Variants in SNX29 observed in about 807,000 individuals in gnomAD.
SNX29 encodes the protein sorting nexin-29.
In SNX29, 78 loss-of-function variants were observed where a neutral mutation model predicts 102.1. The observed-to-expected ratio is 0.76, with a 90% CI of 0.64 to 0.92. The LOEUF (loss-of-function observed/expected upper bound fraction) is 0.92, where lower values mean the gene tolerates loss of function less well. SNX29 is among the 40% of genes least tolerant of loss of function. The pLI, the probability that SNX29 is intolerant of heterozygous loss-of-function variation, is 0.00. For missense variants in SNX29, 1,280 were observed against 1,061.7 expected (o/e 1.21, Z -2.86); for synonymous variants, 580 against 414.5 (o/e 1.40, Z -4.85).
At chr16:12,214,023 G>A (rs10500378) in intron 14 of SNX29, among the ~76,000 whole-genome samples, 1 of 152,060 alleles carries the variant, frequency 6.6e-6, no homozygotes, top group Non-Finnish European at 1.5e-5. Flanking sequence ...GTCATCAAAT[G>A]TTGGGTCATA....
chr16:12,152,838 G>A (rs73519857), intron 13 of SNX29, among the ~76,000 whole-genome samples: 1 of 152,044 alleles, frequency 6.6e-6, no homozygotes, highest in South Asian at 2.1e-4. Context: ...TAAGTTAATC[G>A]TCGTGGTTGC....
At chr16:12,548,633 C>A (rs978122763) in intron 20 of SNX29, among the ~76,000 whole-genome samples, 16 of 152,218 alleles carry the variant, frequency 1.1e-4, no homozygotes, top group African/African-American at 3.9e-4. Flanking sequence ...AGAAGAGGCT[C>A]TTCAGGGGCC....
intron 8 of SNX29, among the ~76,000 whole-genome samples, chr16:12,054,198 T>G (rs350219): frequency 6.6e-6 from 1 of 152,224 alleles, no homozygotes. Context: ...AAACTCCTGA[T>G]CTCGTGATCT....
At chr16:12,441,994 G>T (rs2085829145) in intron 18 of SNX29, among the ~76,000 whole-genome samples, 1 of 152,044 alleles carries the variant, frequency 6.6e-6, no homozygotes, top group Non-Finnish European at 1.5e-5. Context: ...TGGCCAGGCT[G>T]GTCTTGAACT....
At chr16:11,990,251 G>A (rs997739194) in intron 1 of SNX29, among the ~76,000 whole-genome samples, 1 of 152,176 alleles carries the variant, frequency 6.6e-6, no homozygotes, top group African/African-American at 2.4e-5. Flanking sequence ...CCAACTAACT[G>A]ACATAAAAAA....
chr16:12,223,284 G>A (rs1048136934), intron 14 of SNX29, among the ~76,000 whole-genome samples: 1 of 152,190 alleles, frequency 6.6e-6, no homozygotes, highest in Non-Finnish European at 1.5e-5. Context: ...CCAGAACTTT[G>A]GGAGGCCGAG....
intron 14 of SNX29, among the ~76,000 whole-genome samples, chr16:12,239,676 C>T (rs182414029): frequency 8.8e-5 from 12 of 136,924 alleles, no homozygotes; most frequent in East Asian, 2.2e-4. Context: ...AAAATTAGTC[C>T]GGTGTGGTGA....
chr16:12,243,713 G>C lies in SNX29; in HGVS notation c.1679-34220G>C, dbSNP rs567964363. Among the ~76,000 whole-genome samples the C allele has an allele frequency of 3.3e-5, 5 of 152,230 alleles. No individual in the cohort carries two copies. The South Asian group carries it at 1.0e-3, about 32-fold the overall frequency. On this transcript the variant is annotated intron_variant, in intron 14 of 20. Coordinates refer to ENST00000566228, the MANE Select transcript of SNX29 (RefSeq NM_032167.5). ...TCCATTTAGAAGACATCAGAGGCTG[G>C]ATTGCAGGCCTGGTTCTACCCTCAT...
intron 15 of SNX29, chr16:12,297,192 A>C (rs1190066759): frequency 6.6e-6 from 1 of 152,388 alleles, no homozygotes; most frequent in African/African-American, 2.4e-5. Context: ...GGCGGAGGCC[A>C]CGGCACCTGT....
chr16:12,536,973 C>G (rs1567669429), intron 20 of SNX29, among the ~76,000 whole-genome samples: 1 of 149,264 alleles, frequency 6.7e-6, no homozygotes, highest in Non-Finnish European at 1.5e-5. Flanking sequence ...GAGAGAGAAC[C>G]CGTCTTAAAA....
chr16:12,311,517 C>T (rs561904837), intron 15 of SNX29, among the ~76,000 whole-genome samples: 20 of 152,370 alleles, frequency 1.3e-4, no homozygotes, highest in East Asian at 3.9e-4. Context: ...CCAGGAGATG[C>T]AGGGCGGTTG....
intron 18 of SNX29, among the ~76,000 whole-genome samples, chr16:12,470,269 C>T (rs986210978): frequency 2.6e-4 from 39 of 152,310 alleles, no homozygotes; most frequent in African/African-American, 8.9e-4. Context: ...GTCTATGCTG[C>T]AGGAAGCAGG....
chr16:12,355,003 A>C (rs117737813), intron 15 of SNX29, among the ~76,000 whole-genome samples: 1 of 152,066 alleles, frequency 6.6e-6, no homozygotes, highest in Non-Finnish European at 1.5e-5. Flanking sequence ...TTGGAGGGGA[A>C]CTCACAGAGC....
chr16:12,535,005 C>G (rs2077034267), intron 20 of SNX29, among the ~76,000 whole-genome samples: 1 of 152,180 alleles, frequency 6.6e-6, no homozygotes, highest in African/African-American at 2.4e-5. Flanking sequence ...AAGCCCAGAC[C>G]TGGCCTGAGA....
chr16:12,409,821 T>C (rs2084321678), intron 18 of SNX29, among the ~76,000 whole-genome samples: 1 of 152,178 alleles, frequency 6.6e-6, no homozygotes, highest in Admixed American at 6.5e-5. Flanking sequence ...AAAAATACCT[T>C]CAGTGTAAGT....
Position 12,551,698 on chromosome 16 carries a change from C to T in SNX29, c.2319-16808C>T, listed in dbSNP as rs189877147. 6.7e-3 allele frequency among the ~76,000 whole-genome samples: 1,014 copies of T among 152,326 alleles called. 10 individuals are homozygous for T. Among genetic ancestry groups the T allele is most frequent in the African/African-American group, 0.023 (971 of 41,572 alleles). Reference sequence around the variant, plus strand: ...TAGGATAAAAGTACCACCCTCCTTTCAGGTGGTGAGCCAACTTGTGAATGG... The same window carrying T: ...TAGGATAAAAGTACCACCCTCCTTTTAGGTGGTGAGCCAACTTGTGAATGG... On this transcript the variant is annotated intron_variant, in intron 20 of 20. Coordinates refer to ENST00000566228, the MANE Select transcript of SNX29 (RefSeq NM_032167.5).
chr16:12,513,492 C>G lies in SNX29; in HGVS notation c.2179-11210C>G, dbSNP rs76736844. 3.6e-3 allele frequency among the ~76,000 whole-genome samples: 547 copies of G among 152,120 alleles called. 27 individuals carry two copies. The East Asian group carries it at 0.089, about 25-fold the overall frequency. ...TCCCTTCCGTACCCTTGCAAAACAC[C>G]TTCAGCTAAAGACTTCATCTCTCCC... On this transcript the variant is annotated intron_variant, in intron 19 of 20. Coordinates refer to ENST00000566228, the MANE Select transcript of SNX29 (RefSeq NM_032167.5).
At chr16:12,567,536 G>A (rs36121403) in intron 20 of SNX29, among the ~76,000 whole-genome samples, 41,648 of 151,742 alleles carry the variant, frequency 0.27, 6,069 homozygotes, top group East Asian at 0.43. Context: ...TGTAATCCCA[G>A]CACTTTAGGA....
chr16:12,572,309 G>GA lies in SNX29; in HGVS notation c.*3680_*3681insA, dbSNP rs397771109. 4 of 1,062,756 alleles carry GA rather than the reference G, an allele frequency of 3.8e-6. No homozygotes were observed. The highest frequency in any genetic ancestry group is 4.6e-6 in the Non-Finnish European group (4 of 877,748). The allele number at this position is 1,062,756 out of a possible 1,614,324, so 65.8% of individuals were successfully genotyped here. A position where few individuals can be genotyped will look rare whatever the true frequency, so the allele number is the denominator to read the frequency against. ...ACTGGGGCCAGTGATCACAATCCAGGTTGGAAACAGGAGTGAAGCCCACCA... is the reference window on the plus strand; with the variant it reads ...ACTGGGGCCAGTGATCACAATCCAGGATTGGAAACAGGAGTGAAGCCCACCA... On this transcript the variant is annotated 3_prime_UTR_variant, in exon 21 of 21. Coordinates refer to ENST00000566228, the MANE Select transcript of SNX29 (RefSeq NM_032167.5).
Sources: gnomAD v4.1 joint callset for allele counts (sites outside exome capture counted in the v4.1 genomes callset) on GRCh38, gnomAD v4.1.1 for gene constraint, MANE v1.5 for transcripts, NCBI Gene and HGNC (gene_info 2026-07-23, HGNC 2026-07-21) for gene names.